Variants in SNRNP27 observed in about 807,000 individuals in gnomAD.
SNRNP27 encodes small nuclear ribonucleoprotein U4/U6.U5 subunit 27.
SNRNP27 carries 22 observed loss-of-function variants against 25.1 expected under a neutral mutation model. That is an observed-to-expected ratio of 0.88 (90% confidence interval 0.63 to 1.25). The LOEUF (loss-of-function observed/expected upper bound fraction) is 1.25. SNRNP27 is among the 50% of genes most tolerant of loss of function. SNRNP27 has a pLI of 0.00. For missense variants in SNRNP27, 150 were observed against 202.3 expected (o/e 0.74, Z 1.57); for synonymous variants, 66 against 64.9 (o/e 1.02, Z -0.08).
chr2:69,893,977 GA>G lies in SNRNP27; in HGVS notation c.-7del, dbSNP rs1489966967. On this transcript the variant is annotated 5_prime_UTR_variant, in exon 1 of 6. Transcript: ENST00000244227. ...TTGCACAGTTGTTTCCGGGAAGCGG[GA>G]CTCCAAATGGGTCGCAGTCGCAGCC... 1.1e-5 allele frequency: 17 copies of G among 1,613,962 alleles called. No individual in the cohort carries two copies. Among genetic ancestry groups the G allele is most frequent in the Non-Finnish European group, 1.4e-5 (17 of 1,179,974 alleles).
intron 4 of SNRNP27, among the ~76,000 whole-genome samples, chr2:69,900,280 T>C (rs1676672398): frequency 6.6e-6 from 1 of 150,926 alleles, no homozygotes; most frequent in Admixed American, 6.6e-5. Flanking sequence ...AGCATGTAAA[T>C]AAATGAGGAT....
intron 4 of SNRNP27, among the ~76,000 whole-genome samples, chr2:69,902,081 T>A (rs1272954847): frequency 6.6e-6 from 1 of 151,948 alleles, no homozygotes; most frequent in African/African-American, 2.4e-5. Flanking sequence ...TGAATGTTTG[T>A]TGGTTTGAAT....
chr2:69,899,984 A>AT (rs56983328), intron 4 of SNRNP27, among the ~76,000 whole-genome samples: 32,267 of 144,594 alleles, frequency 0.22, 3,634 homozygotes, highest in African/African-American at 0.3. Flanking sequence ...GCCTCAGTCC[A>AT]TTTTTTTTTT....
chr2:69,895,232 G>A lies in SNRNP27; in HGVS notation c.155+18G>A, dbSNP rs1676579432. On this transcript the variant is annotated intron_variant, in intron 2 of 5. Coordinates refer to ENST00000244227, the MANE Select transcript of SNRNP27 (RefSeq NM_006857.3). ...CGCTCCCGGTAAGGGCAGAAAATAA[G>A]CCAAGAGTTTTATTTACCGAAAGTC... 3.1e-6 allele frequency: 5 copies of A among 1,609,376 alleles called. No homozygotes were observed. In the South Asian group the frequency reaches 4.4e-5, roughly 14 times the overall value.
At position 69,903,187 on chromosome 2, in the gene SNRNP27, AAGG is replaced by A; in HGVS notation, c.356_358del (p.Lys119_Val120delinsMet). 2 of 1,612,348 alleles carry A rather than the reference AAGG, an allele frequency of 1.2e-6. No individual in the cohort carries two copies. The highest frequency in any genetic ancestry group is 1.7e-6 in the Non-Finnish European group (2 of 1,178,536). ...GTTTATTGTTTTTCTTCAGGGTAAG[AAGG>A]TGGATGGCTCTGTAAATGCCTATGC... On this transcript the variant is annotated inframe_deletion, in exon 5 of 6. Coordinates refer to ENST00000244227, the MANE Select transcript of SNRNP27 (RefSeq NM_006857.3).
rs1676765106 is a variant in SNRNP27 at position 69,904,740 on chromosome 2, T to C, written c.*432T>C. 1 of 192,932 alleles carries C rather than the reference T, an allele frequency of 5.2e-6. No individual in the cohort carries two copies. The highest frequency in any genetic ancestry group is 6.1e-5 in the Admixed American group (1 of 16,500). The allele number at this position is 192,932 out of a possible 1,614,324, so 12.0% of individuals were successfully genotyped here. A position where few individuals can be genotyped will look rare whatever the true frequency, so the allele number is the denominator to read the frequency against. ...TTTCTTTTTTTTTTCACACATAGAT[T>C]TAAGTATCTTGATTGTTAGTAGTCT... On this transcript the variant is annotated 3_prime_UTR_variant, in exon 6 of 6. Coordinates refer to ENST00000244227, the MANE Select transcript of SNRNP27 (RefSeq NM_006857.3).
chr2:69,898,760 G>T (rs974838923), intron 4 of SNRNP27, among the ~76,000 whole-genome samples: 1 of 152,164 alleles, frequency 6.6e-6, no homozygotes, highest in Non-Finnish European at 1.5e-5. Flanking sequence ...TCTTGTTCTT[G>T]CAATGGTTAT....
In SNRNP27 at chr2:69,893,979, C is replaced by T. The variant is rs1443719066; in HGVS notation, c.-6C>T. 1.2e-6 allele frequency: 2 copies of T among 1,613,946 alleles called. No homozygotes were observed. Among genetic ancestry groups the T allele is most frequent in the Admixed American group, 1.7e-5 (1 of 60,010 alleles). ...GCACAGTTGTTTCCGGGAAGCGGGA[C>T]TCCAAATGGGTCGCAGTCGCAGCCG... On this transcript the variant is annotated 5_prime_UTR_variant, in exon 1 of 6. Transcript: ENST00000244227.
At chr2:69,903,737 T>C (rs1415679076) in intron 5 of SNRNP27, among the ~76,000 whole-genome samples, 1 of 152,214 alleles carries the variant, frequency 6.6e-6, no homozygotes, top group Non-Finnish European at 1.5e-5. Flanking sequence ...TCTAACTTTG[T>C]CGCTGATAAA....
chr2:69,898,378 G>A lies in SNRNP27; in HGVS notation c.348+922G>A, dbSNP rs1291258038. On this transcript the variant is annotated intron_variant, in intron 4 of 5. Coordinates refer to ENST00000244227, the MANE Select transcript of SNRNP27 (RefSeq NM_006857.3). ...GGAGGGATTATATAGAGGAGGGAGA[G>A]CATAGAGCGAGAGATGGGGGAAGAG... is the stretch of plus-strand genomic sequence containing the variant. 2.1e-5 allele frequency among the ~76,000 whole-genome samples: 3 copies of A among 141,192 alleles called. 1 individual carries two copies. The highest frequency in any genetic ancestry group is 4.5e-5 in the Non-Finnish European group (3 of 66,120). 92.6% of individuals were successfully genotyped at this position (141,192 alleles called of 152,430 possible).
In SNRNP27 at chr2:69,894,973, C is replaced by G. The variant is rs199552414; in HGVS notation, c.35-121C>G. ...GATTACAGGCGTGAGCCACCGCTCC[C>G]AGCCTCTTTTTACCTTTTTAATGTG... On this transcript the variant is annotated intron_variant, in intron 1 of 5. Coordinates refer to ENST00000244227, the MANE Select transcript of SNRNP27 (RefSeq NM_006857.3). 290 of 1,404,002 alleles carry G rather than the reference C, an allele frequency of 2.1e-4. 4 individuals carry two copies. In the East Asian group the frequency reaches 6.7e-3, roughly 33 times the overall value. The allele number at this position is 1,404,002 out of a possible 1,614,324, so 87.0% of individuals were successfully genotyped here.
chr2:69,902,133 T>G (rs1267659056), intron 4 of SNRNP27, among the ~76,000 whole-genome samples: 3 of 152,100 alleles, frequency 2.0e-5, no homozygotes. Context: ...GAGCAGAGAG[T>G]TATACCACTT....
chr2:69,904,201 T>A, intron 5 of SNRNP27, 53 bp from the exon 6 acceptor site: 1 of 1,224,244 alleles, frequency 8.2e-7, no homozygotes, highest in Non-Finnish European at 1.2e-6. Flanking sequence ...TTTTTTTTTA[T>A]AAGAGGAGTA....
intron 4 of SNRNP27, among the ~76,000 whole-genome samples, chr2:69,899,923 T>G (rs986007108): frequency 6.6e-6 from 1 of 152,054 alleles, no homozygotes; most frequent in Non-Finnish European, 1.5e-5. Context: ...GATAGGGTCT[T>G]GCTGTGCTGC....
At chr2:69,903,374 T>C in intron 5 of SNRNP27, 129 bp downstream of exon 5, 1 of 723,116 alleles carries the variant, frequency 1.4e-6, no homozygotes, top group Non-Finnish European at 2.4e-6. Context: ...GAATGAAATA[T>C]TCATTGCTTA....
At chr2:69,899,874 A>G (rs776997926) in intron 4 of SNRNP27, among the ~76,000 whole-genome samples, 42 of 152,264 alleles carry the variant, frequency 2.8e-4, no homozygotes, top group Middle Eastern at 6.8e-3. Flanking sequence ...GAGTAGGCAC[A>G]TGCCGCCACG....
At chr2:69,902,674 GCTGCTCCTT>G (rs1426985984) in intron 4 of SNRNP27, among the ~76,000 whole-genome samples, 12 of 151,306 alleles carry the variant, frequency 7.9e-5, no homozygotes, top group African/African-American at 2.9e-4. Context: ...TGCTCCTTCT[GCTGCTCCTT>G]CTGCTGCTCT....
chr2:69,897,657 G>C, intron 4 of SNRNP27: 1 of 542,054 alleles, frequency 1.8e-6, no homozygotes, highest in South Asian at 2.2e-5. Flanking sequence ...GTTTGAATTA[G>C]ATTTTAAAGG....
chr2:69,897,137 G>GT (rs11413663), intron 3 of SNRNP27, among the ~76,000 whole-genome samples: 88,139 of 151,124 alleles, frequency 0.58, 28,078 homozygotes, highest in African/African-American at 0.84. Flanking sequence ...TGAAACCCAG[G>GT]TTTTTTTTTA....
Sources: allele counts gnomAD v4.1 joint callset (sites outside exome capture counted in the v4.1 genomes callset), GRCh38; gene constraint gnomAD v4.1.1; transcripts MANE v1.5; gene names NCBI Gene and HGNC (gene_info 2026-07-23, HGNC 2026-07-21).